KCNN2: variants seen among roughly 807,000 people sequenced by gnomAD.
KCNN2 encodes small conductance calcium-activated potassium channel protein 2.
KCNN2 carries 24 observed loss-of-function variants against 55.5 expected under a neutral mutation model. That is an observed-to-expected ratio of 0.43 (90% CI 0.31 to 0.61). The LOEUF (loss-of-function observed/expected upper bound fraction) is 0.61, where lower values mean the gene tolerates loss of function less well. KCNN2 is among the 20% of genes least tolerant of loss of function. The pLI is 0.08. For missense variants in KCNN2, 754 were observed against 853.6 expected (o/e 0.88, Z 1.45); for synonymous variants, 431 against 336.1 (o/e 1.28, Z -3.09).
upstream of KCNN2, among the ~76,000 whole-genome samples, chr5:114,360,271 T>C (rs1025050311): frequency 6.6e-6 from 1 of 152,102 alleles, no homozygotes. Flanking sequence ...ATAAAATGAA[T>C]TATTCATTCC....
intron 3 of KCNN2, among the ~76,000 whole-genome samples, chr5:114,450,523 T>C (rs971229323): frequency 1.3e-5 from 2 of 152,224 alleles, no homozygotes; most frequent in Non-Finnish European, 2.9e-5. Flanking sequence ...TGGATTTTGA[T>C]ATTTTTTGAT....
chr5:114,393,062 C>T (rs1266992244), intron 2 of KCNN2, among the ~76,000 whole-genome samples: 2 of 151,876 alleles, frequency 1.3e-5, no homozygotes, highest in Non-Finnish European at 2.9e-5. Flanking sequence ...TCAGCATTTT[C>T]TTTGTTTCTC....
intron 3 of KCNN2, among the ~76,000 whole-genome samples, chr5:114,408,741 G>A (rs1433124922): frequency 2.6e-5 from 4 of 152,142 alleles, no homozygotes; most frequent in Admixed American, 2.6e-4. Flanking sequence ...AATTAAGAGA[G>A]CCTCAAAATT....
At chr5:114,461,304 A>G (rs184849002) in intron 3 of KCNN2, among the ~76,000 whole-genome samples, 1 of 152,210 alleles carries the variant, frequency 6.6e-6, no homozygotes, top group East Asian at 1.9e-4. Context: ...CAGCCTCTAC[A>G]CCAAGACCTT....
rs70976327 is a variant in KCNN2, at chr5:114,241,824, G to GTATATATA, written c.-185+20273_-185+20280dup. On this transcript the variant is annotated intron_variant, in intron 2 of 10. Transcript: ENST00000512097. The stretch of plus-strand genomic sequence containing the variant: ...TATATACGTATATATATATATGTGT[G>GTATATATA]TATATATATATATATATATATGGAG... Among the ~76,000 whole-genome samples the GTATATATA allele has an allele frequency of 6.3e-5, 2 of 31,974 alleles. 1 individual carries two copies. Among genetic ancestry groups the GTATATATA allele is most frequent in the South Asian group, 3.0e-3 (2 of 666 alleles). 21.0% of individuals were successfully genotyped at this position (31,974 alleles called of 152,430 possible).
intron 2 of KCNN2, among the ~76,000 whole-genome samples, chr5:114,378,704 C>T (rs949587620): frequency 2.0e-5 from 3 of 152,082 alleles, no homozygotes; most frequent in Non-Finnish European, 1.5e-5. Context: ...GTATGTTTGA[C>T]CCATGGTGCT....
intron 1 of KCNN2, among the ~76,000 whole-genome samples, chr5:114,151,760 G>T (rs1000410497): frequency 6.6e-6 from 1 of 151,982 alleles, no homozygotes; most frequent in East Asian, 1.9e-4. Flanking sequence ...TTTCCAAGGA[G>T]TTATCCTGAT....
At chr5:114,364,419 A>G (rs1350250712) in intron 2 of KCNN2, among the ~76,000 whole-genome samples, 1 of 152,164 alleles carries the variant, frequency 6.6e-6, no homozygotes, top group African/African-American at 2.4e-5. Flanking sequence ...TCTGTAATTT[A>G]GCATAGAGAA....
chr5:114,145,169 A>T (rs931807379), intron 1 of KCNN2, among the ~76,000 whole-genome samples: 24 of 152,230 alleles, frequency 1.6e-4, no homozygotes, highest in African/African-American at 5.8e-4. Flanking sequence ...TAAATCTACG[A>T]TATAATAGGG....
chr5:114,397,845 T>C (rs781337823), intron 2 of KCNN2, among the ~76,000 whole-genome samples: 37 of 152,212 alleles, frequency 2.4e-4, no homozygotes, highest in Non-Finnish European at 8.8e-5. Context: ...TTGAATAAAG[T>C]CTGTTCATGT....
At position 114,138,792 on chromosome 5, in the gene KCNN2, G is replaced by T. The variant is rs546735627; in HGVS notation, c.-271+82292G>T. Among the ~76,000 whole-genome samples the T allele has an allele frequency of 5.9e-5, 9 of 152,238 alleles. No individual in the cohort carries two copies. The South Asian group carries it at 1.7e-3, about 28-fold the overall frequency. Reference sequence around the variant, plus strand: ...GGGAGGTAGAGGAGGAGGAAGAGGAGAGTTTCATAGTTGAGGCTAAAGACA... The same window carrying T: ...GGGAGGTAGAGGAGGAGGAAGAGGATAGTTTCATAGTTGAGGCTAAAGACA... On this transcript the variant is annotated intron_variant, in intron 1 of 10. Transcript: ENST00000512097.
intron 2 of KCNN2, among the ~76,000 whole-genome samples, chr5:114,315,201 T>C (rs1347370545): frequency 6.6e-6 from 1 of 152,196 alleles, no homozygotes; most frequent in Non-Finnish European, 1.5e-5. Flanking sequence ...GTGTTGTGGG[T>C]TATGTTTCTC....
At chr5:114,147,989 A>G (rs924654175) in intron 1 of KCNN2, among the ~76,000 whole-genome samples, 2 of 152,174 alleles carry the variant, frequency 1.3e-5, no homozygotes, top group Non-Finnish European at 2.9e-5. Context: ...TATCATCCAC[A>G]TAACGAAGAA....
intron 1 of KCNN2, among the ~76,000 whole-genome samples, chr5:114,132,046 T>TC (rs1752082556): frequency 6.6e-6 from 1 of 152,188 alleles, no homozygotes; most frequent in East Asian, 1.9e-4. Context: ...GTCAGACGGA[T>TC]AGATTGCAAA....
intron 1 of KCNN2, among the ~76,000 whole-genome samples, chr5:114,130,320 G>T (rs1295131631): frequency 1.3e-5 from 2 of 152,064 alleles, no homozygotes; most frequent in African/African-American, 2.4e-5. Flanking sequence ...TCCTTAGCTT[G>T]CTTTCCAGTT....
chr5:114,118,039 C>T (rs150346380), intron 1 of KCNN2, among the ~76,000 whole-genome samples: 61 of 152,224 alleles, frequency 4.0e-4, no homozygotes, highest in African/African-American at 1.2e-4. Flanking sequence ...CTGGCCTTGC[C>T]ATCACCAAGA....
At chr5:114,158,742 G>C (rs1561501260) in intron 1 of KCNN2, among the ~76,000 whole-genome samples, 1 of 151,350 alleles carries the variant, frequency 6.6e-6, no homozygotes, top group Non-Finnish European at 1.5e-5. Context: ...TGGATTCCTA[G>C]GTATTTTATT....
chr5:114,156,853 C>A (rs1561500051), intron 1 of KCNN2, among the ~76,000 whole-genome samples: 1 of 152,064 alleles, frequency 6.6e-6, no homozygotes, highest in East Asian at 1.9e-4. Flanking sequence ...ATGTTAGTTC[C>A]TTTTCTAAAG....
chr5:114,423,364 A>G (rs747055335), intron 3 of KCNN2, among the ~76,000 whole-genome samples: 1 of 152,224 alleles, frequency 6.6e-6, no homozygotes, highest in Admixed American at 6.5e-5. Context: ...CACAAGAAGA[A>G]AAACAGAATG....
Sources: allele counts gnomAD v4.1 joint callset (sites outside exome capture counted in the v4.1 genomes callset), GRCh38; gene constraint gnomAD v4.1.1; transcripts MANE v1.5; gene names NCBI Gene and HGNC (gene_info 2026-07-23, HGNC 2026-07-21).